BRD10: variants seen among roughly 807,000 people sequenced by gnomAD.
BRD10 encodes the protein uncharacterized bromodomain-containing protein 10.
the BRD10 span, among the ~76,000 whole-genome samples, chr9:5,935,523 A>G: frequency 2.0e-5 from 3 of 152,230 alleles, no homozygotes; most frequent in Non-Finnish European, 2.9e-5. Context: ...CGTGGACTAG[A>G]AATTAACCAC....
At chr9:5,886,093 T>C in the BRD10 span, among the ~76,000 whole-genome samples, 3 of 152,222 alleles carry the variant, frequency 2.0e-5, no homozygotes, top group Non-Finnish European at 2.9e-5. Context: ...CAACCCTCGT[T>C]TGTAGCAATA....
the BRD10 span, chr9:5,920,993 G>T: frequency 6.2e-7 from 1 of 1,613,900 alleles, no homozygotes; most frequent in Non-Finnish European, 8.5e-7. Context: ...AGAGGCTGAG[G>T]TCACTGGAAA....
chr9:6,006,900 C>T, the BRD10 span, among the ~76,000 whole-genome samples: 1 of 152,360 alleles, frequency 6.6e-6, no homozygotes, highest in East Asian at 1.9e-4. Context: ...CCTCTGCCTA[C>T]ACGTGCAATT....
chr9:5,916,943 C>A, the BRD10 span, among the ~76,000 whole-genome samples: 1 of 152,118 alleles, frequency 6.6e-6, no homozygotes, highest in Non-Finnish European at 1.5e-5. Flanking sequence ...ATCCACATGA[C>A]CTACAAAACT....
At chr9:5,975,518 G>A in the BRD10 span, among the ~76,000 whole-genome samples, 1 of 150,430 alleles carries the variant, frequency 6.6e-6, no homozygotes, top group Admixed American at 6.6e-5. Context: ...TATTCCATTT[G>A]GTCAAAAACT....
At chr9:5,957,794 A>C in the BRD10 span, among the ~76,000 whole-genome samples, 7 of 152,272 alleles carry the variant, frequency 4.6e-5, no homozygotes, top group African/African-American at 1.7e-4. Flanking sequence ...CTTCAAAAAA[A>C]TTAAATATTA....
the BRD10 span, chr9:6,007,175 C>T: frequency 8.1e-6 from 13 of 1,605,184 alleles, no homozygotes; most frequent in African/African-American, 2.7e-5. Context: ...TCAGTCCCAC[C>T]GGGGACCGGG....
At chr9:5,974,704 G>C in the BRD10 span, among the ~76,000 whole-genome samples, 1 of 152,312 alleles carries the variant, frequency 6.6e-6, no homozygotes, top group Non-Finnish European at 1.5e-5. Flanking sequence ...GAACTCTACA[G>C]ATGTGCAGAG....
chr9:5,893,628 T>A, the BRD10 span, among the ~76,000 whole-genome samples: 1 of 152,164 alleles, frequency 6.6e-6, no homozygotes, highest in Non-Finnish European at 1.5e-5. Flanking sequence ...CCATTGCCCG[T>A]GCTATTAGTT....
At chr9:6,003,849 A>G in the BRD10 span, among the ~76,000 whole-genome samples, 1 of 152,204 alleles carries the variant, frequency 6.6e-6, no homozygotes, top group Non-Finnish European at 1.5e-5. Flanking sequence ...AAACAAAAAG[A>G]TATTTCAAAA....
chr9:6,008,010 G>C, the BRD10 span: 3 of 1,253,068 alleles, frequency 2.4e-6, no homozygotes, highest in Non-Finnish European at 3.0e-6. Context: ...GAGAGAAGAG[G>C]AGAGCCTAGG....
the BRD10 span, among the ~76,000 whole-genome samples, chr9:5,956,811 C>G: frequency 6.6e-6 from 1 of 152,176 alleles, no homozygotes; most frequent in South Asian, 2.1e-4. Context: ...ATTGTCTGTT[C>G]TTATGTTTGT....
chr9:5,881,671 G>C, the BRD10 span: 4 of 152,344 alleles, frequency 2.6e-5, no homozygotes, highest in Admixed American at 6.5e-5. Context: ...TCTTCAGAGC[G>C]ATACCTGTCA....
the BRD10 span, chr9:5,897,448 C>T: frequency 1.0e-6 from 1 of 976,324 alleles, no homozygotes; most frequent in South Asian, 1.4e-5. Context: ...CTGGGAGATG[C>T]TGCTCTGGGT....
At chr9:5,907,730 A>G in the BRD10 span, among the ~76,000 whole-genome samples, 1 of 152,362 alleles carries the variant, frequency 6.6e-6, no homozygotes, top group East Asian at 1.9e-4. Flanking sequence ...AGGTGGGTGG[A>G]TCACCTGATC....
chr9:5,932,620 A>C, the BRD10 span, among the ~76,000 whole-genome samples: 2 of 152,170 alleles, frequency 1.3e-5, no homozygotes. Flanking sequence ...ATTTTATATA[A>C]GGCACTCGAA....
the BRD10 span, among the ~76,000 whole-genome samples, chr9:5,934,202 T>G: frequency 1.3e-5 from 2 of 152,086 alleles, no homozygotes; most frequent in Non-Finnish European, 2.9e-5. Flanking sequence ...ACAACAAAAG[T>G]ATGAATGCTT....
chr9:5,964,450 T>C, the BRD10 span, among the ~76,000 whole-genome samples: 1 of 149,702 alleles, frequency 6.7e-6, no homozygotes, highest in Non-Finnish European at 1.5e-5. Flanking sequence ...ACTTTTACAC[T>C]GTTGGTGGGA....
chr9:5,956,574 C>G, the BRD10 span, among the ~76,000 whole-genome samples: 2 of 152,236 alleles, frequency 1.3e-5, no homozygotes, highest in South Asian at 4.2e-4. Context: ...TATAACACCC[C>G]AAAAGCTTAT....
Sources: allele counts gnomAD v4.1 joint callset (sites outside exome capture counted in the v4.1 genomes callset), GRCh38; gene constraint gnomAD v4.1.1; transcripts MANE v1.5; gene names NCBI Gene and HGNC (gene_info 2026-07-23, HGNC 2026-07-21).